Variants in CEP128 observed in about 807,000 individuals in gnomAD.
CEP128 encodes centrosomal protein 128.
In CEP128, 132 loss-of-function variants were observed where a neutral mutation model predicts 156.7. That is an observed-to-expected ratio of 0.84 (90% CI 0.73 to 0.97). The LOEUF (loss-of-function observed/expected upper bound fraction) is 0.97. CEP128 is among the 50% of genes least tolerant of loss of function. The probability of loss-of-function intolerance (pLI) is 0.00; values close to 1 mark genes in which losing one functional copy is unlikely to be tolerated. For missense variants in CEP128, 1,252 were observed against 1,281.9 expected (o/e 0.98, Z 0.36); for synonymous variants, 469 against 448.9 (o/e 1.04, Z -0.57).
intron 19 of CEP128, among the ~76,000 whole-genome samples, chr14:80,737,780 C>T (rs1295524286): frequency 6.6e-6 from 1 of 152,118 alleles, no homozygotes; most frequent in Non-Finnish European, 1.5e-5. Flanking sequence ...ATCCCAGCTA[C>T]TCAGGAGTCT....
At chr14:80,634,637 A>G (rs1163213534) in intron 19 of CEP128, among the ~76,000 whole-genome samples, 1 of 152,054 alleles carries the variant, frequency 6.6e-6, no homozygotes, top group Non-Finnish European at 1.5e-5. Context: ...TTTTTTCCCA[A>G]CTTCTAATTT....
intron 9 of CEP128, 23 bp from the exon 10 acceptor site, chr14:80,840,791 A>T (rs749651009): frequency 7.1e-7 from 1 of 1,418,418 alleles, no homozygotes; most frequent in South Asian, 1.2e-5. Flanking sequence ...AGGTGGAAAA[A>T]AATTATCCCA....
At chr14:80,858,848 T>C (rs566111655) in intron 9 of CEP128, among the ~76,000 whole-genome samples, 2 of 152,258 alleles carry the variant, frequency 1.3e-5, no homozygotes, top group East Asian at 3.9e-4. Flanking sequence ...CACAATGAGA[T>C]ATCATCTCAC....
chr14:80,516,926 A>G (rs1009261629), intron 23 of CEP128, among the ~76,000 whole-genome samples: 1 of 152,118 alleles, frequency 6.6e-6, no homozygotes, highest in East Asian at 1.9e-4. Flanking sequence ...TGCTCGCCTT[A>G]AGTTTGATTC....
chr14:80,522,046 AG>A (rs1463701152), intron 23 of CEP128, among the ~76,000 whole-genome samples: 1 of 152,222 alleles, frequency 6.6e-6, no homozygotes, highest in Non-Finnish European at 1.5e-5. Context: ...AGTATTGTAG[AG>A]TTAAAGCTCT....
intron 8 of CEP128, among the ~76,000 whole-genome samples, chr14:80,878,347 A>G (rs946492935): frequency 6.6e-6 from 1 of 152,140 alleles, no homozygotes; most frequent in African/African-American, 2.4e-5. Context: ...TCTACTGTCT[A>G]AGCTACTCAG....
chr14:80,688,108 A>G (rs1376867241), intron 19 of CEP128, among the ~76,000 whole-genome samples: 1 of 152,128 alleles, frequency 6.6e-6, no homozygotes, highest in Non-Finnish European at 1.5e-5. Context: ...CATCCTTGCT[A>G]TGGTCCCAAT....
intron 15 of CEP128, among the ~76,000 whole-genome samples, chr14:80,778,359 A>G (rs1900915980): frequency 6.6e-6 from 1 of 152,196 alleles, no homozygotes; most frequent in South Asian, 2.1e-4. Flanking sequence ...TAAAGGTGTA[A>G]GCTGGATATT....
At chr14:80,706,192 G>A (rs1897236746) in intron 19 of CEP128, among the ~76,000 whole-genome samples, 1 of 151,736 alleles carries the variant, frequency 6.6e-6, no homozygotes, top group African/African-American at 2.4e-5. Flanking sequence ...TATAGAAAAA[G>A]CAAGACAAAT....
intron 16 of CEP128, among the ~76,000 whole-genome samples, chr14:80,770,210 A>T (rs1483313282): frequency 6.6e-6 from 1 of 152,208 alleles, no homozygotes; most frequent in Non-Finnish European, 1.5e-5. Context: ...CTTTGACTTT[A>T]CTCCTGTAAT....
chr14:80,863,876 T>C (rs1174369880), intron 8 of CEP128, among the ~76,000 whole-genome samples: 1 of 152,176 alleles, frequency 6.6e-6, no homozygotes, highest in Admixed American at 6.5e-5. Context: ...TTATGGTGCA[T>C]TATAGCTCAA....
intron 21 of CEP128, among the ~76,000 whole-genome samples, chr14:80,552,912 A>C (rs1181455758): frequency 6.6e-6 from 1 of 152,084 alleles, no homozygotes; most frequent in Non-Finnish European, 1.5e-5. Flanking sequence ...TTAACATGGT[A>C]ACTTGAGTCA....
At chr14:80,871,326 G>A (rs551301473) in intron 8 of CEP128, among the ~76,000 whole-genome samples, 1 of 152,262 alleles carries the variant, frequency 6.6e-6, no homozygotes, top group East Asian at 1.9e-4. Context: ...TGCCACTGCA[G>A]TAAACCCACT....
intron 19 of CEP128, among the ~76,000 whole-genome samples, chr14:80,618,214 T>A (rs1337472017): frequency 6.6e-6 from 1 of 152,240 alleles, no homozygotes; most frequent in South Asian, 2.1e-4. Context: ...TTTTATTCCA[T>A]ATCATTTTTT....
intron 20 of CEP128, among the ~76,000 whole-genome samples, chr14:80,559,958 T>C (rs953928275): frequency 1.3e-5 from 2 of 152,216 alleles, no homozygotes; most frequent in African/African-American, 4.8e-5. Context: ...GTTTGTATTC[T>C]CAACTCCATA....
chr14:80,890,691 C>G lies in CEP128; in HGVS notation c.645+5027G>C, dbSNP rs146321339. ...ACCTAATGCATGCGGGGCTTAAAAC[C>G]TAGATGATGGGTTGATGGGTGCAGC... On this transcript the variant is annotated intron_variant, in intron 8 of 24. Transcript: ENST00000555265. Among the ~76,000 whole-genome samples the G allele has an allele frequency of 4.6e-4, 70 of 152,038 alleles. No homozygotes were observed. In the East Asian group the frequency reaches 0.011, roughly 24 times the overall value.
At chr14:80,506,134 G>A (rs1887959876) in intron 23 of CEP128, among the ~76,000 whole-genome samples, 1 of 152,080 alleles carries the variant, frequency 6.6e-6, no homozygotes, top group South Asian at 2.1e-4. Context: ...AAATGTATTG[G>A]TGGGGCATGA....
chr14:80,798,498 A>G (rs1214034074), intron 13 of CEP128, among the ~76,000 whole-genome samples: 2 of 152,230 alleles, frequency 1.3e-5, no homozygotes, highest in East Asian at 1.9e-4. Flanking sequence ...CATTGTGTCC[A>G]AAGTTTTAAT....
chr14:80,914,179 C>T (rs930643051), intron 4 of CEP128, 143 bp downstream of exon 4: 10 of 573,840 alleles, frequency 1.7e-5, no homozygotes, highest in Middle Eastern at 3.6e-4. Context: ...CTAACCTAAA[C>T]TTAAACTATA....
Sources: allele counts gnomAD v4.1 joint callset (sites outside exome capture counted in the v4.1 genomes callset), GRCh38; gene constraint gnomAD v4.1.1; transcripts MANE v1.5; gene names NCBI Gene and HGNC (gene_info 2026-07-23, HGNC 2026-07-21).